Variants in WIPI2 observed in about 807,000 individuals in gnomAD.
WIPI2 encodes the protein WD repeat domain, phosphoinositide interacting 2, also known as WD repeat domain phosphoinositide-interacting protein 2.
Under a neutral mutation model 52.3 loss-of-function variants are expected in WIPI2, and 28 were observed. The ratio of observed to expected loss-of-function variants is 0.54; its 90% CI spans 0.40 to 0.73. The LOEUF is 0.73. WIPI2 is among the 30% of genes least tolerant of loss of function. The pLI, the probability that WIPI2 is intolerant of heterozygous loss-of-function variation, is 0.00. For synonymous variants in WIPI2, 268 were observed against 245.0 expected (o/e 1.09, Z -0.88); for missense variants, 506 against 602.9 (o/e 0.84, Z 1.68).
chr7:5,220,311 C>T (rs1783049612), intron 7 of WIPI2, among the ~76,000 whole-genome samples: 1 of 150,062 alleles, frequency 6.7e-6, no homozygotes, highest in Non-Finnish European at 1.5e-5. Flanking sequence ...GGTATGATCT[C>T]AGCTCACCAC....
intron 7 of WIPI2, among the ~76,000 whole-genome samples, chr7:5,220,889 G>A (rs1255593354): frequency 6.6e-6 from 1 of 151,902 alleles, no homozygotes; most frequent in Admixed American, 6.6e-5. Context: ...CACCTCTGGG[G>A]CTCAAGCGAT....
chr7:5,194,966 T>C (rs2115196502), intron 2 of WIPI2, among the ~76,000 whole-genome samples: 1 of 152,120 alleles, frequency 6.6e-6, no homozygotes, highest in East Asian at 1.9e-4. Context: ...AGAGGCGGGC[T>C]TGTGGGGCCG....
intron 4 of WIPI2, among the ~76,000 whole-genome samples, chr7:5,215,291 A>T (rs982415766): frequency 1.3e-5 from 2 of 152,210 alleles, no homozygotes; most frequent in African/African-American, 2.4e-5. Flanking sequence ...AGCTTGGGCA[A>T]CAAGAGTGAG....
At chr7:5,214,258 C>T (rs1042059723) in intron 3 of WIPI2, 1 of 1,390,990 alleles carries the variant, frequency 7.2e-7, no homozygotes, top group African/African-American at 1.4e-5. Context: ...ACTCACCATT[C>T]AAATCCAGCA....
At chr7:5,216,293 C>G (rs6463319) in intron 4 of WIPI2, 275,820 of 293,264 alleles carry the variant, frequency 0.94, 129,794 homozygotes, top group Admixed American at 0.96. Context: ...TTAGCCAGGC[C>G]TGGTGGCAGT....
chr7:5,219,373 G>C (rs1242891158), intron 7 of WIPI2, among the ~76,000 whole-genome samples: 1 of 152,142 alleles, frequency 6.6e-6, no homozygotes, highest in East Asian at 1.9e-4. Flanking sequence ...ACTAATCAAA[G>C]TCTCACTGTT....
intron 3 of WIPI2, chr7:5,214,101 C>T (rs555705375): frequency 1.3e-5 from 4 of 300,588 alleles, no homozygotes; most frequent in South Asian, 1.2e-4. Flanking sequence ...TTTGGCCAGC[C>T]TCAGTATGCG....
intron 4 of WIPI2, 27 bp downstream of exon 4, chr7:5,214,731 G>T: frequency 6.2e-7 from 1 of 1,611,412 alleles, no homozygotes; most frequent in East Asian, 2.2e-5. Flanking sequence ...CTGGGTGTGG[G>T]CTTGTCTGTT....
chr7:5,205,136 C>T (rs535314778), intron 3 of WIPI2, among the ~76,000 whole-genome samples: 2 of 152,232 alleles, frequency 1.3e-5, no homozygotes, highest in Middle Eastern at 3.4e-3. Flanking sequence ...CCACCACGCC[C>T]GGCTACATTT....
chr7:5,213,253 C>T (rs1254570666), intron 3 of WIPI2: 1 of 152,254 alleles, frequency 6.6e-6, no homozygotes. Context: ...GAATGAAGGT[C>T]GCTTGCTGTT....
At position 5,230,116 on chromosome 7, in the gene WIPI2, ACT is replaced by A. The variant is rs964582940; in HGVS notation, c.1252+381_1252+382del. ...AGAAAATGTCATCCTGGCTCAGGTG[ACT>A]CTGGGGTCACGTGACTTGGGCCCAG... On this transcript the variant is annotated intron_variant, in intron 12 of 12. Coordinates refer to ENST00000288828, the MANE Select transcript of WIPI2 (RefSeq NM_015610.4). The surrounding 1 kb of genome is among the most constrained non-coding windows in gnomAD (Gnocchi z 4.8). Among the ~76,000 whole-genome samples the A allele has an allele frequency of 2.6e-5, 4 of 151,790 alleles. No homozygotes were observed. Among genetic ancestry groups the A allele is most frequent in the Non-Finnish European group, 5.9e-5 (4 of 67,932 alleles).
chr7:5,224,504 G>A (rs970685114), intron 8 of WIPI2, among the ~76,000 whole-genome samples: 1 of 152,216 alleles, frequency 6.6e-6, no homozygotes, highest in East Asian at 1.9e-4. Flanking sequence ...CTGGCCATGC[G>A]GGAGGCTGGA....
rs773150620 is a variant in WIPI2, at chr7:5,230,914, C to G, written c.1332C>G (p.Ser444Arg). The G allele has an allele frequency of 6.2e-7, 1 of 1,613,698 alleles. No individual in the cohort carries two copies. The highest frequency in any genetic ancestry group is 1.1e-5 in the South Asian group (1 of 90,994). The change falls in exon 13 of 13, where the codon AGC becomes AGG. Residue 444 changes from serine to arginine, a missense_variant. Transcript: ENST00000288828. The surrounding 1 kb of genome is among the most constrained non-coding windows in gnomAD (Gnocchi z 4.8). ...EASALRLDED[S>R]EHPPMILRTD ...GCGCCCTGCGCCTGGATGAGGACAG[C>G]GAGCACCCGCCCATGATTCTTCGGA...
chr7:5,225,966 C>CAA, intron 9 of WIPI2, 36 bp downstream of exon 9: 1 of 1,575,468 alleles, frequency 6.3e-7, no homozygotes, highest in Non-Finnish European at 8.7e-7. Context: ...AAAAATGATG[C>CAA]AAAACCCTTT....
chr7:5,223,106 G>C (rs113269783), intron 8 of WIPI2, among the ~76,000 whole-genome samples: 3 of 152,344 alleles, frequency 2.0e-5, no homozygotes, highest in African/African-American at 7.2e-5. Flanking sequence ...GCCGCAGCCT[G>C]GAGTTCTCTT....
intron 4 of WIPI2, among the ~76,000 whole-genome samples, chr7:5,215,194 C>T (rs1464561385): frequency 6.6e-6 from 1 of 152,038 alleles, no homozygotes; most frequent in Admixed American, 6.5e-5. Context: ...ACCTGTAATC[C>T]CGGCTACTCG....
At chr7:5,196,065 C>T (rs986756168) in intron 2 of WIPI2, among the ~76,000 whole-genome samples, 1 of 149,444 alleles carries the variant, frequency 6.7e-6, no homozygotes, top group African/African-American at 2.5e-5. Flanking sequence ...TTTTGCTGGG[C>T]GTGGTGGCTT....
chr7:5,194,484 GATGTTCA>G (rs1781644797), intron 2 of WIPI2, among the ~76,000 whole-genome samples: 1 of 152,164 alleles, frequency 6.6e-6, no homozygotes, highest in Non-Finnish European at 1.5e-5. Context: ...CTGTCTCTTT[GATGTTCA>G]ATGTTCAAGT....
At chr7:5,192,994 CT>C in intron 1 of WIPI2, 123 bp from the exon 2 acceptor site, 1 of 876,434 alleles carries the variant, frequency 1.1e-6, no homozygotes, top group Non-Finnish European at 1.8e-6. Context: ...ACTGTCCTGC[CT>C]TTCTTTACTG....
Sources: allele counts gnomAD v4.1 joint callset (sites outside exome capture counted in the v4.1 genomes callset), GRCh38; gene constraint gnomAD v4.1.1; non-coding constraint Gnocchi (gnomAD v3.1); transcripts MANE v1.5; gene names NCBI Gene and HGNC (gene_info 2026-07-23, HGNC 2026-07-21).